Variants in GNB1 observed in about 807,000 individuals in gnomAD.
GNB1 encodes G protein subunit beta 1, also known as guanine nucleotide-binding protein G(I)/G(S)/G(T) subunit beta-1.
In GNB1, 2 loss-of-function variants were observed where a neutral mutation model predicts 42.9. The ratio of observed to expected loss-of-function variants is 0.05; its 90% CI spans 0.02 to 0.15. The LOEUF is 0.15. Ranked by LOEUF, GNB1 falls within the 10% of genes least tolerant of loss-of-function variation. GNB1 has a pLI of 1.00. For synonymous variants in GNB1, 183 were observed against 174.7 expected (o/e 1.05, Z -0.38); for missense variants, 193 against 462.2 (o/e 0.42, Z 5.34).
At chr1:1,849,124 C>T (rs757977120) in intron 1 of GNB1, among the ~76,000 whole-genome samples, 1 of 152,098 alleles carries the variant, frequency 6.6e-6, no homozygotes, top group Non-Finnish European at 1.5e-5. Context: ...TAACAAAGCC[C>T]CAATAAAAAC....
intron 1 of GNB1, among the ~76,000 whole-genome samples, chr1:1,851,629 G>T (rs916760296): frequency 6.6e-5 from 10 of 152,082 alleles, no homozygotes; most frequent in African/African-American, 2.4e-4. Context: ...CACACCTAGA[G>T]GAGGACAGAA....
At chr1:1,884,388 T>C (rs1309322426) in intron 1 of GNB1, among the ~76,000 whole-genome samples, 1 of 152,018 alleles carries the variant, frequency 6.6e-6, no homozygotes, top group African/African-American at 2.4e-5. Context: ...AATTTTGTAT[T>C]TTCAGTAGAG....
At chr1:1,830,206 C>T (rs1028951937) in intron 2 of GNB1, among the ~76,000 whole-genome samples, 7 of 152,050 alleles carry the variant, frequency 4.6e-5, no homozygotes, top group Admixed American at 6.6e-5. Flanking sequence ...AATCTGGGGT[C>T]CTAGAACAAA....
intron 1 of GNB1, among the ~76,000 whole-genome samples, chr1:1,854,545 G>C (rs1021974516): frequency 6.6e-6 from 1 of 152,172 alleles, no homozygotes; most frequent in Non-Finnish European, 1.5e-5. Flanking sequence ...CAGCAAGAGG[G>C]ACTCACTACA....
chr1:1,853,157 T>C (rs1648083981), intron 1 of GNB1, among the ~76,000 whole-genome samples: 1 of 152,188 alleles, frequency 6.6e-6, no homozygotes, highest in South Asian at 2.1e-4. Flanking sequence ...CTTACCATCT[T>C]TGCCTGGCCC....
chr1:1,846,908 G>A (rs1440763930), intron 1 of GNB1, among the ~76,000 whole-genome samples: 1 of 152,176 alleles, frequency 6.6e-6, no homozygotes, highest in East Asian at 1.9e-4. Context: ...CAAAAGGGTG[G>A]CTTGATCAGT....
chr1:1,870,091 C>T (rs1037197343), intron 1 of GNB1, among the ~76,000 whole-genome samples: 2 of 152,128 alleles, frequency 1.3e-5, no homozygotes, highest in Non-Finnish European at 2.9e-5. Flanking sequence ...GATCTCTTGA[C>T]CTCAAGTGAT....
chr1:1,887,599 CAA>C (rs1297247199), intron 1 of GNB1, among the ~76,000 whole-genome samples: 1 of 152,198 alleles, frequency 6.6e-6, no homozygotes, highest in African/African-American at 2.4e-5. Flanking sequence ...GCTTTGAAAT[CAA>C]AGTCATTGGG....
At chr1:1,856,031 CTTCT>C (rs778787679) in intron 1 of GNB1, among the ~76,000 whole-genome samples, 13 of 152,310 alleles carry the variant, frequency 8.5e-5, no homozygotes, top group Non-Finnish European at 1.6e-4. Context: ...CTTTCTTCTT[CTTCT>C]TTAAGAGATG....
chr1:1,828,833 G>C (rs114521235), intron 2 of GNB1, among the ~76,000 whole-genome samples: 1 of 151,986 alleles, frequency 6.6e-6, no homozygotes, highest in Admixed American at 6.6e-5. Flanking sequence ...CTTGAATCCA[G>C]CAGTTTGCGA....
chr1:1,885,735 T>A (rs1650116181), intron 1 of GNB1, among the ~76,000 whole-genome samples: 1 of 150,638 alleles, frequency 6.6e-6, no homozygotes, highest in Non-Finnish European at 1.5e-5. Flanking sequence ...TTTTTTGGTA[T>A]TTTTAGTAGC....
At chr1:1,872,918 C>G (rs1649328255) in intron 1 of GNB1, among the ~76,000 whole-genome samples, 1 of 152,182 alleles carries the variant, frequency 6.6e-6, no homozygotes, top group Admixed American at 6.5e-5. Context: ...ATATTATTAA[C>G]TGGGCATCCT....
intron 1 of GNB1, chr1:1,890,501 G>A (rs1166430267): frequency 3.4e-5 from 5 of 145,368 alleles, no homozygotes; most frequent in African/African-American, 1.3e-4. Context: ...CCCGACCCGC[G>A]CCCCCGGGGC....
intron 1 of GNB1, among the ~76,000 whole-genome samples, chr1:1,864,219 A>C (rs1039124748): frequency 4.2e-5 from 6 of 142,216 alleles, no homozygotes; most frequent in Non-Finnish European, 9.1e-5. Context: ...GCTATTCAGG[A>C]GGCTGAGGCA....
At chr1:1,868,067 G>C (rs767205830) in intron 1 of GNB1, among the ~76,000 whole-genome samples, 1 of 152,166 alleles carries the variant, frequency 6.6e-6, no homozygotes, top group Non-Finnish European at 1.5e-5. Context: ...TCAAGCACAT[G>C]CATATAGGAA....
rs1011192980 is a variant in GNB1 at position 1,834,796 on chromosome 1, G to A, written c.-47+4394C>T. On this transcript the variant is annotated intron_variant, in intron 2 of 11. Transcript: ENST00000378609. ...CCATTCTCCTGCCTCAGCCTCCCAA[G>A]TAGCCAGGACTACAGGCGCCTGCCA... is the stretch of plus-strand genomic sequence containing the variant. Among the ~76,000 whole-genome samples, 8 of 151,240 alleles carry A rather than the reference G, an allele frequency of 5.3e-5. No homozygotes were observed. The South Asian group carries it at 8.3e-4, about 16-fold the overall frequency.
intron 2 of GNB1, among the ~76,000 whole-genome samples, chr1:1,828,703 T>C (rs1193100961): frequency 6.6e-6 from 1 of 152,208 alleles, no homozygotes; most frequent in East Asian, 1.9e-4. Context: ...TGCCAACATT[T>C]GAGTTTCAAT....
intron 1 of GNB1, among the ~76,000 whole-genome samples, chr1:1,855,842 G>A (rs373673761): frequency 6.6e-6 from 1 of 152,350 alleles, no homozygotes; most frequent in East Asian, 1.9e-4. Flanking sequence ...AAGAGGAGGA[G>A]GCAATAGTGT....
At chr1:1,864,013 A>G (rs934358159) in intron 1 of GNB1, among the ~76,000 whole-genome samples, 5 of 152,114 alleles carry the variant, frequency 3.3e-5, no homozygotes, top group Non-Finnish European at 7.4e-5. Context: ...CTGTCTCTAC[A>G]AAACAAAAAA....
Sources: gnomAD v4.1 joint callset for allele counts (sites outside exome capture counted in the v4.1 genomes callset) on GRCh38, gnomAD v4.1.1 for gene constraint, MANE v1.5 for transcripts, NCBI Gene and HGNC (gene_info 2026-07-23, HGNC 2026-07-21) for gene names.